MKLN1: variants seen among roughly 807,000 people sequenced by gnomAD.
MKLN1 encodes muskelin.
MKLN1 carries 18 observed loss-of-function variants against 99.0 expected under a neutral mutation model. That is an observed-to-expected ratio of 0.18 (90% CI 0.13 to 0.27). The LOEUF is 0.27. Ranked by LOEUF, MKLN1 falls within the 10% of genes least tolerant of loss-of-function variation. The pLI is 1.00. For synonymous variants in MKLN1, 288 were observed against 293.2 expected, an observed-to-expected ratio of 0.98 and a Z score of 0.18; for missense variants, 621 against 875.9, an observed-to-expected ratio of 0.71 and a Z score of 3.67.
intron 4 of MKLN1, among the ~76,000 whole-genome samples, chr7:131,390,412 T>C (rs1794164341): frequency 1.3e-5 from 2 of 152,202 alleles, no homozygotes; most frequent in Non-Finnish European, 2.9e-5. Context: ...TTAACAATTT[T>C]ATGATTTTAT....
chr7:131,239,685 T>C (rs1367823808), intron 3 of MKLN1, among the ~76,000 whole-genome samples: 5 of 152,148 alleles, frequency 3.3e-5, no homozygotes, highest in Admixed American at 2.0e-4. Context: ...TCCCATCCCA[T>C]GTTTACATTA....
At chr7:131,433,242 G>T (rs1425075116) in intron 9 of MKLN1, among the ~76,000 whole-genome samples, 1 of 152,092 alleles carries the variant, frequency 6.6e-6, no homozygotes, top group Non-Finnish European at 1.5e-5. Flanking sequence ...GTTTTTTAGA[G>T]TATCCTTCAA....
At chr7:131,328,167 C>G in intron 1 of MKLN1, 170 bp downstream of exon 1, 1 of 823,828 alleles carries the variant, frequency 1.2e-6, no homozygotes, top group South Asian at 1.8e-5. Context: ...CTCGGCCTCG[C>G]TCGGGAAGGG....
At chr7:131,162,798 C>T (rs1796074225) in intron 2 of MKLN1, among the ~76,000 whole-genome samples, 2 of 152,174 alleles carry the variant, frequency 1.3e-5, no homozygotes, top group African/African-American at 4.8e-5. Flanking sequence ...GTAAAATACT[C>T]ATGAACATTT....
intron 2 of MKLN1, among the ~76,000 whole-genome samples, chr7:131,153,130 C>A (rs959834918): frequency 1.4e-4 from 21 of 149,676 alleles, no homozygotes; most frequent in Non-Finnish European, 2.4e-4. Context: ...TTACCTAGAT[C>A]CATTAGTTCA....
chr7:131,394,048 T>C (rs1004346342), intron 4 of MKLN1, among the ~76,000 whole-genome samples: 2 of 152,110 alleles, frequency 1.3e-5, no homozygotes, highest in African/African-American at 2.4e-5. Context: ...CTGACTCTTA[T>C]ACTACTAGAT....
chr7:131,428,989 A>G, intron 8 of MKLN1, 44 bp from the exon 9 acceptor site: 2 of 1,533,114 alleles, frequency 1.3e-6, no homozygotes, highest in South Asian at 1.1e-5. Flanking sequence ...GCTTATGCTT[A>G]TTTTGTCCTT....
chr7:131,340,757 T>C (rs1799385680), intron 1 of MKLN1, among the ~76,000 whole-genome samples: 2 of 152,310 alleles, frequency 1.3e-5, no homozygotes, highest in Admixed American at 6.5e-5. Context: ...TTTCTCTTTT[T>C]AGTGCAGTTT....
At chr7:131,202,240 A>G (rs1796739853) in intron 2 of MKLN1, among the ~76,000 whole-genome samples, 1 of 134,790 alleles carries the variant, frequency 7.4e-6, no homozygotes, top group Non-Finnish European at 1.5e-5. Context: ...GCTCACTGCA[A>G]CCTCTGCCTC....
chr7:131,471,160 C>A (rs1196125248), intron 16 of MKLN1: 1 of 429,060 alleles, frequency 2.3e-6, no homozygotes, highest in East Asian at 4.5e-5. Flanking sequence ...TTGGTCCATT[C>A]AGAAAAGGAT....
intron 3 of MKLN1, among the ~76,000 whole-genome samples, chr7:131,266,189 A>AG (rs1486080723): frequency 6.6e-6 from 1 of 151,870 alleles, no homozygotes; most frequent in Non-Finnish European, 1.5e-5. Flanking sequence ...AAAAAAAAAA[A>AG]AAAAAAATCA....
At chr7:131,314,579 C>G (rs561887494) in intron 3 of MKLN1, among the ~76,000 whole-genome samples, 1 of 151,924 alleles carries the variant, frequency 6.6e-6, no homozygotes, top group South Asian at 2.1e-4. Flanking sequence ...CCTGCCACCA[C>G]GCCTAGCTAA....
At chr7:131,231,169 G>T (rs1797238576) in intron 3 of MKLN1, among the ~76,000 whole-genome samples, 2 of 151,040 alleles carry the variant, frequency 1.3e-5, no homozygotes, top group Non-Finnish European at 2.9e-5. Flanking sequence ...GGCCTGGCAG[G>T]GCAGGAGAGG....
chr7:131,136,952 C>T (rs1795658143), intron 1 of MKLN1, among the ~76,000 whole-genome samples: 1 of 152,190 alleles, frequency 6.6e-6, no homozygotes, highest in Non-Finnish European at 1.5e-5. Flanking sequence ...CTGGCTTTCC[C>T]ATTGGACTGT....
intron 9 of MKLN1, among the ~76,000 whole-genome samples, chr7:131,429,696 A>G (rs1168999884): frequency 6.6e-6 from 1 of 152,094 alleles, no homozygotes; most frequent in African/African-American, 2.4e-5. Context: ...CTCCTGCCTC[A>G]GCCTCCCAAG....
At chr7:131,210,049 T>A (rs1259287638) in intron 3 of MKLN1, among the ~76,000 whole-genome samples, 2 of 152,142 alleles carry the variant, frequency 1.3e-5, no homozygotes, top group African/African-American at 4.8e-5. Context: ...GTAAAACTAT[T>A]TGTTTAAATC....
intron 3 of MKLN1, among the ~76,000 whole-genome samples, chr7:131,210,428 A>T (rs1311913290): frequency 6.6e-6 from 1 of 151,898 alleles, no homozygotes; most frequent in African/African-American, 2.4e-5. Flanking sequence ...GCTACTTGGG[A>T]GGCTGAGGCA....
At chr7:131,411,202 T>C (rs1403913283) in intron 6 of MKLN1, 104 bp from the exon 7 acceptor site, 1 of 616,400 alleles carries the variant, frequency 1.6e-6, no homozygotes, top group Non-Finnish European at 2.8e-6. Flanking sequence ...TAGTGACATA[T>C]TAGTAATTTC....
chr7:131,384,490 A>G (rs973851508), intron 2 of MKLN1, among the ~76,000 whole-genome samples: 6 of 152,168 alleles, frequency 3.9e-5, no homozygotes, highest in African/African-American at 1.4e-4. Flanking sequence ...TGGAAGAGGC[A>G]AAGAAGGATC....
Sources: gnomAD v4.1 joint callset for allele counts (sites outside exome capture counted in the v4.1 genomes callset) on GRCh38, gnomAD v4.1.1 for gene constraint, MANE v1.5 for transcripts, NCBI Gene and HGNC (gene_info 2026-07-23, HGNC 2026-07-21) for gene names.